Variants in CTDSPL observed in about 807,000 individuals in gnomAD.
CTDSPL encodes the protein CTD small phosphatase-like protein.
In CTDSPL, 8 loss-of-function variants were observed where a neutral mutation model predicts 30.5. The ratio of observed to expected loss-of-function variants is 0.26; its 90% CI spans 0.15 to 0.47. The LOEUF is 0.47. CTDSPL is among the 20% of genes least tolerant of loss of function. The pLI is 0.99. For missense variants in CTDSPL, 248 were observed against 366.1 expected (o/e 0.68, Z 2.63); for synonymous variants, 110 against 137.9 (o/e 0.80, Z 1.42).
intron 4 of CTDSPL, among the ~76,000 whole-genome samples, chr3:37,966,534 G>T (rs906432506): frequency 7.9e-5 from 12 of 152,056 alleles, no homozygotes; most frequent in African/African-American, 2.9e-4. Flanking sequence ...CTAATGCCTT[G>T]GGAGAGTCTC....
chr3:37,947,915 C>T (rs1699057887), intron 2 of CTDSPL, among the ~76,000 whole-genome samples: 1 of 152,190 alleles, frequency 6.6e-6, no homozygotes, highest in African/African-American at 2.4e-5. Flanking sequence ...GTCAGATTGT[C>T]ACAATAGGTC....
At chr3:37,902,899 G>A (rs929341591) in intron 1 of CTDSPL, among the ~76,000 whole-genome samples, 4 of 152,236 alleles carry the variant, frequency 2.6e-5, no homozygotes, top group African/African-American at 9.6e-5. Context: ...TACTCAGAGA[G>A]TTTCAGATGC....
At chr3:37,898,934 C>T (rs1254747773) in intron 1 of CTDSPL, among the ~76,000 whole-genome samples, 1 of 152,142 alleles carries the variant, frequency 6.6e-6, no homozygotes, top group African/African-American at 2.4e-5. Flanking sequence ...CAGCAGGTGC[C>T]AAAGCCCTGC....
chr3:37,971,535 G>C (rs905277420), intron 6 of CTDSPL, 36 bp downstream of exon 6: 4 of 1,581,968 alleles, frequency 2.5e-6, no homozygotes, highest in Non-Finnish European at 3.5e-6. Context: ...CTCCCAGCCT[G>C]GTACTCCCAG....
intron 3 of CTDSPL, among the ~76,000 whole-genome samples, chr3:37,960,551 C>T (rs1438540931): frequency 5.1e-5 from 6 of 116,846 alleles, no homozygotes; most frequent in South Asian, 2.9e-4. Flanking sequence ...CACACACACA[C>T]ACACACACAC....
chr3:37,877,352 C>T (rs1047199896), intron 1 of CTDSPL, among the ~76,000 whole-genome samples: 7 of 152,180 alleles, frequency 4.6e-5, no homozygotes, highest in Admixed American at 3.9e-4. Flanking sequence ...TGGAATCATA[C>T]AGTATTTTTT....
intron 1 of CTDSPL, among the ~76,000 whole-genome samples, chr3:37,887,857 G>A (rs1698280512): frequency 6.6e-6 from 1 of 152,204 alleles, no homozygotes. Flanking sequence ...TCCAAATGCT[G>A]CCTGGACCTC....
intron 1 of CTDSPL, among the ~76,000 whole-genome samples, chr3:37,943,477 T>G (rs1306334899): frequency 6.7e-6 from 1 of 150,012 alleles, no homozygotes; most frequent in Non-Finnish European, 1.5e-5. Flanking sequence ...GACAGAAAAC[T>G]TTGGAATGAC....
intron 1 of CTDSPL, among the ~76,000 whole-genome samples, chr3:37,895,692 G>A (rs969098396): frequency 6.6e-6 from 1 of 152,084 alleles, no homozygotes. Context: ...TTTGTTAATA[G>A]TTTATAGTTT....
At chr3:37,946,957 TG>T in intron 1 of CTDSPL, 99 bp from the exon 2 acceptor site, 1 of 1,336,216 alleles carries the variant, frequency 7.5e-7, no homozygotes, top group Non-Finnish European at 1.0e-6. Flanking sequence ...GGCTGGAATC[TG>T]GGGTCTGGGG....
At chr3:37,904,482 G>A (rs1009670988) in intron 1 of CTDSPL, among the ~76,000 whole-genome samples, 55 of 152,290 alleles carry the variant, frequency 3.6e-4, no homozygotes, top group South Asian at 4.1e-4. Flanking sequence ...AGGAGGTGGT[G>A]ACCCATTGGA....
intron 3 of CTDSPL, among the ~76,000 whole-genome samples, chr3:37,962,738 C>G (rs1472949911): frequency 6.6e-6 from 1 of 152,094 alleles, no homozygotes; most frequent in Non-Finnish European, 1.5e-5. Context: ...AGGAAAAGGA[C>G]TGGATAGACA....
At chr3:37,969,605 A>G in intron 5 of CTDSPL, 9 of 347,304 alleles carry the variant, frequency 2.6e-5, no homozygotes, top group South Asian at 1.9e-4. Flanking sequence ...CAGGACTCCC[A>G]GGGTGACTGA....
chr3:37,891,260 C>T (rs1694425676), intron 1 of CTDSPL, among the ~76,000 whole-genome samples: 1 of 152,218 alleles, frequency 6.6e-6, no homozygotes, highest in South Asian at 2.1e-4. Context: ...CTGGGATCTA[C>T]CCCAAACCAG....
At position 37,981,896 on chromosome 3, in the gene CTDSPL, C is replaced by T. The variant is rs1699496623; in HGVS notation, c.*1029C>T. The T allele has an allele frequency of 4.4e-6, 2 of 457,022 alleles. No individual in the cohort carries two copies. The highest frequency in any genetic ancestry group is 2.0e-5 in the African/African-American group (1 of 50,094). 28.3% of individuals were successfully genotyped at this position (457,022 alleles called of 1,614,324 possible). A position where few individuals can be genotyped will look rare whatever the true frequency, so the allele number is the denominator to read the frequency against. ...GCTGCCACCAAATGGAATTGACCAG[C>T]GGCTGTTACACTGTTCTTTGCCACT... On this transcript the variant is annotated 3_prime_UTR_variant, in exon 8 of 8. Coordinates refer to ENST00000273179, the MANE Select transcript of CTDSPL (RefSeq NM_001008392.2).
intron 1 of CTDSPL, among the ~76,000 whole-genome samples, chr3:37,939,978 G>T (rs1698959656): frequency 6.7e-6 from 1 of 150,102 alleles, no homozygotes; most frequent in Admixed American, 6.7e-5. Flanking sequence ...TGTAGTCCCA[G>T]CTACTCAGGA....
At position 37,971,481 on chromosome 3, in the gene CTDSPL, T is replaced by C. The variant is rs765314663; in HGVS notation, c.501T>C (p.Phe167=). ...RMGQLFECVL[F]TASLAKYADP... Reference sequence around the variant, plus strand: ...GGCAGCTTTTTGAATGTGTGCTCTTTACTGCCAGCTTGGCCAAGGTGAGTC... The same window carrying C: ...GGCAGCTTTTTGAATGTGTGCTCTTCACTGCCAGCTTGGCCAAGGTGAGTC... Residue 167 remains phenylalanine (F), a synonymous_variant, in exon 6 of 8, where the codon TTT becomes TTC. Transcript: ENST00000273179. 2.7e-5 allele frequency: 43 copies of C among 1,614,018 alleles called. No homozygotes were observed. The highest frequency in any genetic ancestry group is 3.4e-5 in the Non-Finnish European group (40 of 1,180,018).
intron 1 of CTDSPL, among the ~76,000 whole-genome samples, chr3:37,903,490 A>G (rs758589416): frequency 1.3e-5 from 2 of 152,152 alleles, no homozygotes; most frequent in African/African-American, 2.4e-5. Flanking sequence ...GTGTGAACTT[A>G]TGTTCATTGA....
At chr3:37,938,595 T>C (rs1698940629) in intron 1 of CTDSPL, among the ~76,000 whole-genome samples, 1 of 149,988 alleles carries the variant, frequency 6.7e-6, no homozygotes, top group Admixed American at 6.7e-5. Flanking sequence ...AGACCAGTCT[T>C]CTTGGGCCAC....
Sources: gnomAD v4.1 joint callset for allele counts (sites outside exome capture counted in the v4.1 genomes callset) on GRCh38, gnomAD v4.1.1 for gene constraint, MANE v1.5 for transcripts, NCBI Gene and HGNC (gene_info 2026-07-23, HGNC 2026-07-21) for gene names.